The following LRRTM4 variants were observed in gnomAD, a reference collection of about 807,000 sequenced individuals.
The protein encoded by LRRTM4 is leucine-rich repeat transmembrane neuronal protein 4.
A neutral mutation model predicts 47.6 loss-of-function variants in LRRTM4; 25 were observed. The ratio of observed to expected loss-of-function variants is 0.53; its 90% CI spans 0.38 to 0.73. The LOEUF is 0.73. Among genes scored for constraint, LRRTM4 ranks in the 30% least tolerant of loss-of-function variants. The pLI is 0.00. For synonymous variants in LRRTM4, 311 were observed against 269.5 expected (o/e 1.15, Z -1.51); for missense variants, 638 against 713.4 (o/e 0.89, Z 1.20).
intron 3 of LRRTM4, among the ~76,000 whole-genome samples, chr2:77,443,067 C>G (rs968218579): frequency 1.3e-5 from 2 of 152,088 alleles, no homozygotes; most frequent in African/African-American, 2.4e-5. Flanking sequence ...ATCCCCGTGT[C>G]ATGACAGATT....
intron 3 of LRRTM4, among the ~76,000 whole-genome samples, chr2:77,049,240 GAAT>G (rs1473434059): frequency 6.8e-6 from 1 of 148,046 alleles, no homozygotes; most frequent in African/African-American, 2.5e-5. Flanking sequence ...CTGCTATTGT[GAAT>G]AATGCTACAA....
chr2:76,901,408 T>C (rs1673627285), intron 3 of LRRTM4, among the ~76,000 whole-genome samples: 1 of 152,194 alleles, frequency 6.6e-6, no homozygotes, highest in African/African-American at 2.4e-5. Flanking sequence ...TGTATAGTAT[T>C]CCATGGTCTA....
chr2:77,057,687 A>C (rs978356881), intron 3 of LRRTM4, among the ~76,000 whole-genome samples: 2 of 152,134 alleles, frequency 1.3e-5, no homozygotes, highest in Non-Finnish European at 2.9e-5. Flanking sequence ...CCCCTACTCC[A>C]TTAAATCAGG....
At chr2:77,334,150 G>A (rs1573269033) in intron 3 of LRRTM4, among the ~76,000 whole-genome samples, 1 of 152,126 alleles carries the variant, frequency 6.6e-6, no homozygotes, top group East Asian at 1.9e-4. Context: ...TAACTAACTT[G>A]CTTTTGATAT....
At chr2:77,209,071 A>G (rs1358679834) in intron 3 of LRRTM4, among the ~76,000 whole-genome samples, 1 of 152,112 alleles carries the variant, frequency 6.6e-6, no homozygotes, top group Non-Finnish European at 1.5e-5. Context: ...TCCTATCACC[A>G]GCGCTCTCTC....
chr2:76,764,481 A>G (rs1242285495), intron 3 of LRRTM4, among the ~76,000 whole-genome samples: 1 of 152,072 alleles, frequency 6.6e-6, no homozygotes, highest in Non-Finnish European at 1.5e-5. Context: ...AATGCAAAAA[A>G]TTAGCTGGGC....
chr2:77,426,938 T>C (rs570730945), intron 3 of LRRTM4, among the ~76,000 whole-genome samples: 1 of 151,482 alleles, frequency 6.6e-6, no homozygotes, highest in Non-Finnish European at 1.5e-5. Context: ...TGGCTGCCTG[T>C]ATTCCCCTTT....
chr2:77,365,782 T>C (rs1011249626), intron 3 of LRRTM4, among the ~76,000 whole-genome samples: 8 of 151,156 alleles, frequency 5.3e-5, no homozygotes, highest in African/African-American at 1.9e-4. Context: ...TAAACTAGAA[T>C]TATATCTTTA....
At chr2:77,463,938 A>C (rs190056464) in intron 3 of LRRTM4, among the ~76,000 whole-genome samples, 94 of 152,286 alleles carry the variant, frequency 6.2e-4, no homozygotes, top group Non-Finnish European at 1.2e-4. Flanking sequence ...GATAGTTAAC[A>C]ATTTTTTGAG....
intron 3 of LRRTM4, among the ~76,000 whole-genome samples, chr2:76,838,767 G>C (rs1475274585): frequency 6.6e-6 from 1 of 152,042 alleles, no homozygotes; most frequent in Admixed American, 6.6e-5. Flanking sequence ...TTTTGACGTT[G>C]AACATGGGAC....
At chr2:77,374,162 G>A (rs1196690312) in intron 3 of LRRTM4, among the ~76,000 whole-genome samples, 4 of 151,780 alleles carry the variant, frequency 2.6e-5, no homozygotes, top group Non-Finnish European at 5.9e-5. Flanking sequence ...AAGATGCGAA[G>A]ATGTGATATG....
intron 3 of LRRTM4, among the ~76,000 whole-genome samples, chr2:77,160,912 A>G (rs986188634): frequency 1.9e-4 from 29 of 152,332 alleles, no homozygotes; most frequent in African/African-American, 6.5e-4. Flanking sequence ...GATATGTGAC[A>G]AATGACAGTC....
intron 3 of LRRTM4, among the ~76,000 whole-genome samples, chr2:77,018,687 C>G (rs1344945502): frequency 6.6e-6 from 1 of 152,106 alleles, no homozygotes; most frequent in Non-Finnish European, 1.5e-5. Flanking sequence ...TTCAGAAGTA[C>G]AGCTGAAGGT....
At chr2:77,171,515 G>T (rs1673048960) in intron 3 of LRRTM4, among the ~76,000 whole-genome samples, 1 of 152,012 alleles carries the variant, frequency 6.6e-6, no homozygotes, top group African/African-American at 2.4e-5. Flanking sequence ...GACCTCAAGT[G>T]ATCCACCCGC....
At chr2:76,950,844 G>A (rs1182693108) in intron 3 of LRRTM4, among the ~76,000 whole-genome samples, 1 of 151,902 alleles carries the variant, frequency 6.6e-6, no homozygotes, top group Non-Finnish European at 1.5e-5. Flanking sequence ...TTAAGACTAG[G>A]CTAAAATGAA....
chr2:77,039,767 ATT>A (rs1678962443), intron 3 of LRRTM4, among the ~76,000 whole-genome samples: 1 of 151,166 alleles, frequency 6.6e-6, no homozygotes, highest in South Asian at 2.1e-4. Context: ...GATTCTTTAA[ATT>A]TTTGTCTTTT....
At chr2:76,896,720 T>C (rs77919128) in intron 3 of LRRTM4, among the ~76,000 whole-genome samples, 2,005 of 151,358 alleles carry the variant, frequency 0.013, 47 homozygotes, top group African/African-American at 0.047. Context: ...TATTTTTAAA[T>C]CTTTTTGTTT....
chr2:77,022,722 T>C (rs1018269803), intron 3 of LRRTM4, among the ~76,000 whole-genome samples: 7 of 152,230 alleles, frequency 4.6e-5, no homozygotes, highest in African/African-American at 1.7e-4. Context: ...GTCATGCTGA[T>C]GTAAGAAATG....
At chr2:76,791,286 G>A (rs1674956260) in intron 3 of LRRTM4, among the ~76,000 whole-genome samples, 1 of 152,144 alleles carries the variant, frequency 6.6e-6, no homozygotes. Context: ...CCTCTACTGA[G>A]ATTATTTCAA....
Sources: allele counts gnomAD v4.1 joint callset (sites outside exome capture counted in the v4.1 genomes callset), GRCh38; gene constraint gnomAD v4.1.1; transcripts MANE v1.5; gene names NCBI Gene and HGNC (gene_info 2026-07-23, HGNC 2026-07-21).